The following TCF12 variants were observed in gnomAD, a reference collection of about 807,000 sequenced individuals.
The protein encoded by TCF12 is transcription factor 12.
Under a neutral mutation model 86.0 loss-of-function variants are expected in TCF12, and 45 were observed. The ratio of observed to expected loss-of-function variants is 0.52; its 90% CI spans 0.41 to 0.67. The LOEUF is 0.67. Among genes scored for constraint, TCF12 ranks in the 30% least tolerant of loss-of-function variants. The pLI is 0.00. For synonymous variants in TCF12, 330 were observed against 299.6 expected, an observed-to-expected ratio of 1.10 and a Z score of -1.05; for missense variants, 881 against 859.9, an observed-to-expected ratio of 1.02 and a Z score of -0.31.
At chr15:57,037,205 T>G (rs527601879) in intron 3 of TCF12, among the ~76,000 whole-genome samples, 1 of 152,136 alleles carries the variant, frequency 6.6e-6, no homozygotes, top group Non-Finnish European at 1.5e-5. Flanking sequence ...TCCCAGCACT[T>G]TGGGAGGCCA....
chr15:57,169,448 C>G (rs1202104662), intron 6 of TCF12, among the ~76,000 whole-genome samples: 1 of 152,170 alleles, frequency 6.6e-6, no homozygotes, highest in Non-Finnish European at 1.5e-5. Flanking sequence ...AGTCCCATCT[C>G]TGCACTGATT....
chr15:57,162,369 T>A (rs1350554823), intron 5 of TCF12, among the ~76,000 whole-genome samples: 3 of 152,160 alleles, frequency 2.0e-5, no homozygotes, highest in African/African-American at 7.2e-5. Flanking sequence ...TGAAAAGTAA[T>A]TTTGAAAGAA....
At chr15:56,990,872 G>A (rs1046699983) in intron 3 of TCF12, among the ~76,000 whole-genome samples, 17 of 150,336 alleles carry the variant, frequency 1.1e-4, no homozygotes, top group African/African-American at 4.2e-4. Context: ...ATGGCTCACT[G>A]GAGCCTCTAC....
At chr15:57,261,799 C>T (rs1313178139) in intron 16 of TCF12, among the ~76,000 whole-genome samples, 3 of 85,420 alleles carry the variant, frequency 3.5e-5, no homozygotes, top group Non-Finnish European at 7.9e-5. Flanking sequence ...TTATAGAATG[C>T]TTTGTCAGCT....
chr15:56,944,391 T>TA (rs1254245584), intron 3 of TCF12, among the ~76,000 whole-genome samples: 2 of 152,218 alleles, frequency 1.3e-5, no homozygotes, highest in African/African-American at 4.8e-5. Context: ...AGATAATACT[T>TA]ATCTAAATAA....
intron 4 of TCF12, among the ~76,000 whole-genome samples, chr15:57,075,861 TTCCA>T (rs1363745014): frequency 2.2e-5 from 3 of 134,294 alleles, no homozygotes; most frequent in Admixed American, 1.6e-4. Flanking sequence ...CTTTCTTTCT[TTCCA>T]TTCTTTTTTT....
At chr15:56,962,642 G>A (rs899101332) in intron 3 of TCF12, among the ~76,000 whole-genome samples, 7 of 152,154 alleles carry the variant, frequency 4.6e-5, no homozygotes, top group African/African-American at 1.4e-4. Flanking sequence ...TCCAATTAGT[G>A]ATGTAACCTA....
At chr15:57,091,732 C>T in intron 4 of TCF12, 57 bp from the exon 5 acceptor site, 1 of 1,295,674 alleles carries the variant, frequency 7.7e-7, no homozygotes, top group African/African-American at 1.5e-5. Context: ...TCATTATGCT[C>T]AATTAGCGGG....
intron 6 of TCF12, among the ~76,000 whole-genome samples, chr15:57,168,363 T>C (rs990128472): frequency 6.6e-6 from 1 of 152,202 alleles, no homozygotes; most frequent in Non-Finnish European, 1.5e-5. Flanking sequence ...AAAGCAGCAA[T>C]TGAACATCTA....
At chr15:56,948,393 C>T (rs975612845) in intron 3 of TCF12, among the ~76,000 whole-genome samples, 4 of 152,130 alleles carry the variant, frequency 2.6e-5, no homozygotes, top group Non-Finnish European at 5.9e-5. Flanking sequence ...AAAAAATGAT[C>T]TAAAATCACC....
At chr15:57,102,461 C>T (rs887456717) in intron 5 of TCF12, among the ~76,000 whole-genome samples, 9 of 152,008 alleles carry the variant, frequency 5.9e-5, no homozygotes, top group South Asian at 4.2e-4. Context: ...AGCTGGGCGT[C>T]GTGACGCACA....
intron 3 of TCF12, among the ~76,000 whole-genome samples, chr15:57,060,939 C>G (rs1426611164): frequency 6.6e-6 from 1 of 152,110 alleles, no homozygotes; most frequent in African/African-American, 2.4e-5. Context: ...ATGACTCTTG[C>G]CTTTGTCAGT....
intron 3 of TCF12, among the ~76,000 whole-genome samples, chr15:57,004,615 T>C (rs1390698101): frequency 4.6e-5 from 7 of 152,126 alleles, no homozygotes; most frequent in Admixed American, 4.6e-4. Context: ...TTCATTGTGT[T>C]AGCCAGGATG....
chr15:57,050,513 T>C (rs566348251), intron 3 of TCF12, among the ~76,000 whole-genome samples: 64 of 152,274 alleles, frequency 4.2e-4, no homozygotes, highest in African/African-American at 1.5e-3. Context: ...ATTTTTACTA[T>C]TGGTGCATTG....
intron 5 of TCF12, among the ~76,000 whole-genome samples, chr15:57,104,298 T>C (rs1596543683): frequency 6.6e-6 from 1 of 152,088 alleles, no homozygotes; most frequent in Non-Finnish European, 1.5e-5. Context: ...GGAAAAAATG[T>C]TTAGCCACAA....
chr15:57,145,492 A>G (rs2053293493), intron 5 of TCF12, among the ~76,000 whole-genome samples: 1 of 152,212 alleles, frequency 6.6e-6, no homozygotes, highest in African/African-American at 2.4e-5. Context: ...TATGTAAAAA[A>G]AAAATGTGTA....
chr15:57,084,580 T>G (rs1395620352), intron 4 of TCF12, among the ~76,000 whole-genome samples: 1 of 152,186 alleles, frequency 6.6e-6, no homozygotes, highest in African/African-American at 2.4e-5. Flanking sequence ...GCTTCTGCAT[T>G]TCAACAAACT....
chr15:56,989,885 T>G (rs1188565239), intron 3 of TCF12, among the ~76,000 whole-genome samples: 4 of 152,202 alleles, frequency 2.6e-5, no homozygotes, highest in African/African-American at 7.2e-5. Flanking sequence ...AATGTCAAGG[T>G]TGCTCTCCCA....
intron 5 of TCF12, among the ~76,000 whole-genome samples, chr15:57,117,975 T>G (rs1371678133): frequency 6.6e-6 from 1 of 152,194 alleles, no homozygotes; most frequent in African/African-American, 2.4e-5. Flanking sequence ...GATAATTTCA[T>G]TGAGTCATTT....
Sources: allele counts gnomAD v4.1 joint callset (sites outside exome capture counted in the v4.1 genomes callset), GRCh38; gene constraint gnomAD v4.1.1; transcripts MANE v1.5; gene names NCBI Gene and HGNC (gene_info 2026-07-23, HGNC 2026-07-21).